The following ERBB2 variants were observed in gnomAD, a reference collection of about 807,000 sequenced individuals.
ERBB2 encodes erb-b2 receptor tyrosine kinase 2.
Under a neutral mutation model 149.0 loss-of-function variants are expected in ERBB2, and 61 were observed. That is an observed-to-expected ratio of 0.41 (90% CI 0.33 to 0.51). The LOEUF (loss-of-function observed/expected upper bound fraction) is 0.51, where lower values mean the gene tolerates loss of function less well. ERBB2 is among the 20% of genes least tolerant of loss of function. ERBB2 has a pLI of 0.25. For missense variants in ERBB2, 1,205 were observed against 1,655.1 expected (o/e 0.73, Z 4.72); for synonymous variants, 633 against 678.8 (o/e 0.93, Z 1.05).
intron 1 of ERBB2, among the ~76,000 whole-genome samples, chr17:39,701,612 G>A (rs573790229): frequency 2.2e-3 from 336 of 152,254 alleles, no homozygotes; most frequent in African/African-American, 7.8e-3. Flanking sequence ...GTGCATGGCC[G>A]TGTTATCTCT....
upstream of ERBB2, among the ~76,000 whole-genome samples, chr17:39,698,651 G>T (rs2145247270): frequency 6.6e-6 from 1 of 152,244 alleles, no homozygotes; most frequent in South Asian, 2.1e-4. Context: ...CACAAGAGGT[G>T]CCTGCTTTAA....
intron 7 of ERBB2, among the ~76,000 whole-genome samples, chr17:39,711,520 A>G (rs768020522): frequency 1.3e-5 from 2 of 152,100 alleles, no homozygotes; most frequent in Non-Finnish European, 1.5e-5. Context: ...CAGATCACCT[A>G]TTTACTGATG....
upstream of ERBB2, among the ~76,000 whole-genome samples, chr17:39,690,324 G>C (rs986428664): frequency 1.3e-5 from 2 of 152,150 alleles, no homozygotes; most frequent in African/African-American, 4.8e-5. Flanking sequence ...GGGCTCGAGT[G>C]ATCCTCCCGC....
chr17:39,698,820 A>G (rs550682920), upstream of ERBB2, among the ~76,000 whole-genome samples: 1 of 152,164 alleles, frequency 6.6e-6, no homozygotes, highest in Non-Finnish European at 1.5e-5. Context: ...GTATAGCTGC[A>G]TTCTTGGCTG....
rs747754217 is a variant in ERBB2, at chr17:39,712,463, G to A, written c.1148+15G>A. The A allele has an allele frequency of 1.9e-6, 3 of 1,612,170 alleles. No individual in the cohort carries two copies. The highest frequency in any genetic ancestry group is 1.3e-5 in the African/African-American group (1 of 75,030). On this transcript the variant is annotated intron_variant, in intron 9 of 26. Coordinates refer to ENST00000269571, the MANE Select transcript of ERBB2 (RefSeq NM_004448.4). ...AGCTTTGATGGGTAAGAGTGGGCAC[G>A]ATGACCTGAGACAGTGTCAGGGCAG...
chr17:39,718,141 A>G (rs957722240), intron 15 of ERBB2, among the ~76,000 whole-genome samples: 5 of 152,236 alleles, frequency 3.3e-5, no homozygotes, highest in Admixed American at 6.5e-5. Flanking sequence ...ATAGAATCAT[A>G]GATCATACAT....
upstream of ERBB2, among the ~76,000 whole-genome samples, chr17:39,691,866 GATAGAT>G (rs1257738808): frequency 0.011 from 1,467 of 128,708 alleles, 16 homozygotes; most frequent in South Asian, 0.014. Context: ...AAACCTTCAT[GATAGAT>G]ATAGATATAG....
At chr17:39,715,181 G>A (rs2059045141) in intron 9 of ERBB2, 105 bp from the exon 10 acceptor site, 3 of 942,522 alleles carry the variant, frequency 3.2e-6, no homozygotes, top group South Asian at 2.8e-5. Context: ...TGGGCAAAGG[G>A]TTTGAGTGAA....
Position 39,688,280 on chromosome 17 carries a change from T to G in ERBB2, c.-382+2T>G. The stretch of plus-strand genomic sequence containing the variant: ...GTGTTTTCCATGATCTTTTTTGAGG[T>G]AGGGCTGTTTACTGTCACCACCCCT... On this transcript the variant is annotated splice_donor_variant, in intron 1 of 17. Transcript: ENST00000578199. LOFTEE classifies it low-confidence loss of function (5UTR_SPLICE). The G allele has an allele frequency of 2.9e-6, 1 of 346,466 alleles. No individual in the cohort carries two copies. The highest frequency in any genetic ancestry group is 5.2e-6 in the Non-Finnish European group (1 of 192,994). The allele number at this position is 346,466 out of a possible 1,614,324, so 21.5% of individuals were successfully genotyped here.
rs778408285 is a variant in ERBB2 at position 39,710,424 on chromosome 17, A to C, written c.844A>C (p.Met282Leu). ...VTYNTDTFES[M>L]PNPEGRYTFG... ...CTACAACACAGACACGTTTGAGTCC[A>C]TGCCCAATCCCGAGGGCCGGTATAC... The change falls in exon 7 of 27, where the codon ATG (methionine) becomes CTG (leucine). Residue 282 changes from methionine (M) to leucine (L), a missense_variant. Physicochemically the swap from Met to Leu is conservative, Grantham distance 15 (BLOSUM62 2). Around this residue, in one of 6 missense-constraint regions of ERBB2, gnomAD observed 569 missense variants for 803.5 expected, o/e 0.71. Transcript: ENST00000269571. 1.2e-6 allele frequency: 2 copies of C among 1,614,168 alleles called. No homozygotes were observed. Among genetic ancestry groups the C allele is most frequent in the East Asian group, 2.2e-5 (1 of 44,890 alleles).
intron 8 of ERBB2, 28 bp from the exon 9 acceptor site, chr17:39,712,294 C>G: frequency 6.2e-7 from 1 of 1,613,044 alleles, no homozygotes; most frequent in Non-Finnish European, 8.5e-7. Flanking sequence ...TGAGACGGCC[C>G]CTTCCCCACC....
At position 39,715,375 on chromosome 17, in the gene ERBB2, G is replaced by A. The variant is rs2145634179; in HGVS notation, c.1222+16G>A. On this transcript the variant is annotated intron_variant, in intron 10 of 26. Coordinates refer to ENST00000269571, the MANE Select transcript of ERBB2 (RefSeq NM_004448.4). ...GAGATCACAGGTGGGCTCTGTCTCT[G>A]CATCCTGTTCTGCAGGGGCTGGGAG... is the stretch of plus-strand genomic sequence containing the variant. 6.2e-7 allele frequency: 1 copy of A among 1,613,904 alleles called. No individual in the cohort carries two copies. Among genetic ancestry groups the A allele is most frequent in the Non-Finnish European group, 8.5e-7 (1 of 1,179,778 alleles).
chr17:39,690,021 T>C (rs754427934), upstream of ERBB2, among the ~76,000 whole-genome samples: 2 of 152,026 alleles, frequency 1.3e-5, no homozygotes, highest in Non-Finnish European at 2.9e-5. Flanking sequence ...TAACTATACA[T>C]ATATATAATT....
chr17:39,690,444 C>T (rs1039332818), upstream of ERBB2, among the ~76,000 whole-genome samples: 4 of 152,114 alleles, frequency 2.6e-5, no homozygotes, highest in East Asian at 1.9e-4. Context: ...GAAATTTGTT[C>T]GGGTCTAAAG....
upstream of ERBB2, among the ~76,000 whole-genome samples, chr17:39,697,252 G>T (rs2057883784): frequency 6.6e-6 from 1 of 151,974 alleles, no homozygotes; most frequent in African/African-American, 2.4e-5. Context: ...TTGTGACAGC[G>T]GTCCAAGGAA....
rs1398622638 is a variant in ERBB2, at chr17:39,716,567, T to C, written c.1699T>C (p.Cys567Arg). 6.2e-7 allele frequency: 1 copy of C among 1,614,072 alleles called. No individual in the cohort carries two copies. The highest frequency in any genetic ancestry group is 1.1e-5 in the South Asian group (1 of 91,076). ...ARHCLPCHPE[C>R]QPQNGSVTCF... ...GCACTGTTTGCCGTGCCACCCTGAG[T>C]GTCAGCCCCAGAATGGCTCAGTGAC... The change falls in exon 14 of 27, where the codon TGT (cysteine) becomes CGT (arginine). Residue 567 changes from cysteine to arginine, a missense_variant. Physicochemically the swap from Cys to Arg is radical, Grantham distance 180. This residue lies in a region of ERBB2 where 569 missense variants were observed against 803.5 expected (regional missense o/e 0.71). Coordinates refer to ENST00000269571, the MANE Select transcript of ERBB2 (RefSeq NM_004448.4).
rs1285769371 is a variant in ERBB2 at position 39,716,570 on chromosome 17, C to G, written c.1702C>G (p.Gln568Glu). The G allele has an allele frequency of 6.2e-7, 1 of 1,614,160 alleles. No individual in the cohort carries two copies. Among genetic ancestry groups the G allele is most frequent in the Admixed American group, 1.7e-5 (1 of 60,024 alleles). The change falls in exon 14 of 27, where the codon CAG becomes GAG. Residue 568 changes from glutamine (Q) to glutamate (E), a missense_variant. Physicochemically the swap from Gln to Glu is conservative, Grantham distance 29. Transcript: ENST00000269571. ...RHCLPCHPEC[Q>E]PQNGSVTCFG... Reference sequence around the variant, plus strand: ...CTGTTTGCCGTGCCACCCTGAGTGTCAGCCCCAGAATGGCTCAGTGACCTG... The same window carrying G: ...CTGTTTGCCGTGCCACCCTGAGTGTGAGCCCCAGAATGGCTCAGTGACCTG...
upstream of ERBB2, among the ~76,000 whole-genome samples, chr17:39,696,167 C>T (rs2057859031): frequency 1.3e-5 from 2 of 152,218 alleles, no homozygotes. Flanking sequence ...GCAGCGCCCA[C>T]CCCTGCCCCC....
Position 39,726,724 on chromosome 17 carries a change from G to A in ERBB2, c.2970+65G>A, listed in dbSNP as rs756639420. 4 of 1,591,098 alleles carry A rather than the reference G, an allele frequency of 2.5e-6. No individual in the cohort carries two copies. The highest frequency in any genetic ancestry group is 3.5e-6 in the Non-Finnish European group (4 of 1,159,062). ...AGCACCCTCCTGCAGAGGGTGGGAA[G>A]GAGAGATGAGTCCAGTATGCCAGGC... On this transcript the variant is annotated intron_variant, in intron 24 of 26. Coordinates refer to ENST00000269571, the MANE Select transcript of ERBB2 (RefSeq NM_004448.4). This position sits in a 1 kb window ranked among gnomAD's most constrained non-coding sequence, Gnocchi z 5.1.
Sources: allele counts gnomAD v4.1 joint callset (sites outside exome capture counted in the v4.1 genomes callset), GRCh38; gene constraint gnomAD v4.1.1; regional missense constraint gnomAD v4.1.1; non-coding constraint Gnocchi (gnomAD v3.1); transcripts MANE v1.5; gene names NCBI Gene and HGNC (gene_info 2026-07-23, HGNC 2026-07-21).